The following MTA1 variants were observed in gnomAD, a reference collection of about 807,000 sequenced individuals.
MTA1 encodes the protein metastasis-associated protein MTA1.
Under a neutral mutation model 97.0 loss-of-function variants are expected in MTA1, and 15 were observed. The ratio of observed to expected loss-of-function variants is 0.15; its 90% CI spans 0.10 to 0.24. The LOEUF (loss-of-function observed/expected upper bound fraction) is 0.24, where lower values mean the gene tolerates loss of function less well. Among genes scored for constraint, MTA1 ranks in the 10% least tolerant of loss-of-function variants. The probability of loss-of-function intolerance (pLI) is 1.00; values close to 1 mark genes in which losing one functional copy is unlikely to be tolerated. For synonymous variants in MTA1, 435 were observed against 417.5 expected, an observed-to-expected ratio of 1.04 and a Z score of -0.51; for missense variants, 709 against 1,015.1, an observed-to-expected ratio of 0.70 and a Z score of 4.10.
chr14:105,449,122 G>A, intron 3 of MTA1: 1 of 500,588 alleles, frequency 2.0e-6, no homozygotes, highest in Non-Finnish European at 3.5e-6. Context: ...CCACAGCCAG[G>A]CTTGTCTGGG....
In MTA1 at chr14:105,470,423, C is replaced by CT; in HGVS notation, c.*211dup. On this transcript the variant is annotated 3_prime_UTR_variant, in exon 21 of 21. Coordinates refer to ENST00000331320, the MANE Select transcript of MTA1 (RefSeq NM_004689.4). ...AATGCCGAGGAGTTGTCGTTTTTAG[C>CT]TTTGTGTTTACTTTTTGGCTGGAGC... 2 of 500,192 alleles carry CT rather than the reference C, an allele frequency of 4.0e-6. No homozygotes were observed. The highest frequency in any genetic ancestry group is 3.4e-6 in the Non-Finnish European group (1 of 296,136). The allele number at this position is 500,192 out of a possible 1,614,324, so 31.0% of individuals were successfully genotyped here. A position where few individuals can be genotyped will look rare whatever the true frequency, so the allele number is the denominator to read the frequency against.
chr14:105,445,612 G>C, intron 3 of MTA1, 101 bp downstream of exon 3: 2 of 1,200,620 alleles, frequency 1.7e-6, no homozygotes, highest in African/African-American at 1.5e-5. Flanking sequence ...TCCTGGCCTC[G>C]TGGGGCCACC....
chr14:105,463,745 G>A lies in MTA1; in HGVS notation c.1076+194G>A. 1.6e-6 allele frequency: 1 copy of A among 629,900 alleles called. No individual in the cohort carries two copies. Among genetic ancestry groups the A allele is most frequent in the Non-Finnish European group, 2.8e-6 (1 of 360,064 alleles). 39.0% of individuals were successfully genotyped at this position (629,900 alleles called of 1,614,324 possible). A position where few individuals can be genotyped will look rare whatever the true frequency, so the allele number is the denominator to read the frequency against. On this transcript the variant is annotated intron_variant, in intron 12 of 20. Coordinates refer to ENST00000331320, the MANE Select transcript of MTA1 (RefSeq NM_004689.4). The surrounding 1 kb of genome is among the most constrained non-coding windows in gnomAD (Gnocchi z 5.9). ...CAGTGGCCATGTCTCTGTCGTCCTG[G>A]CCTCCTGGTCAGTAAGGGGGCATTG...
At chr14:105,457,653 C>T (rs112481092) in intron 7 of MTA1, among the ~76,000 whole-genome samples, 1 of 152,240 alleles carries the variant, frequency 6.6e-6, no homozygotes. Flanking sequence ...GGGCCGGGCA[C>T]GGTGGCTCAC....
intron 2 of MTA1, among the ~76,000 whole-genome samples, chr14:105,444,174 C>T (rs2082635981): frequency 2.0e-5 from 3 of 151,826 alleles, no homozygotes; most frequent in Admixed American, 2.0e-4. Flanking sequence ...GAGATCGAGG[C>T]CATCCTGGCT....
At chr14:105,464,967 G>C (rs2083507803) in intron 15 of MTA1, 104 bp downstream of exon 15, 1 of 1,436,792 alleles carries the variant, frequency 7.0e-7, no homozygotes, top group Non-Finnish European at 9.2e-7. Context: ...TCTGATCTCA[G>C]GGAGCCCCAC....
Position 105,466,438 on chromosome 14 carries a change from G to GC in MTA1, c.1644dup (p.Lys549GlnfsTer3), listed in dbSNP as rs782687995. ...TCATTCCCGGCAGAGACCCACCCCC[G>GC]CCCCCCCAAGCCTGACCCCGTGAAA... is the stretch of plus-strand genomic sequence containing the variant. On this transcript the variant is annotated frameshift_variant, in exon 17 of 21. Transcript: ENST00000331320. LOFTEE classifies it high-confidence loss of function. 3.3e-5 allele frequency: 33 copies of GC among 990,626 alleles called. No individual in the cohort carries two copies. Among genetic ancestry groups the GC allele is most frequent in the Admixed American group, 1.2e-4 (4 of 34,242 alleles). The allele number at this position is 990,626 out of a possible 1,614,324, so 61.4% of individuals were successfully genotyped here.
chr14:105,465,992 C>G (rs2141695179), intron 16 of MTA1: 1 of 217,422 alleles, frequency 4.6e-6, no homozygotes, highest in East Asian at 1.6e-4. Context: ...AGGGCTGGTC[C>G]TCAGCAGCTG....
chr14:105,455,821 C>T (rs1315068946), intron 7 of MTA1, among the ~76,000 whole-genome samples: 3 of 152,214 alleles, frequency 2.0e-5, no homozygotes, highest in Non-Finnish European at 1.5e-5. Context: ...AAGACCCCCA[C>T]ATCTCTCCAG....
chr14:105,461,617 A>G (rs752038667), intron 10 of MTA1, among the ~76,000 whole-genome samples: 52 of 152,236 alleles, frequency 3.4e-4, no homozygotes, highest in Non-Finnish European at 1.0e-4. Context: ...CTAGTATCTG[A>G]TGAAAGCACC....
intron 1 of MTA1, among the ~76,000 whole-genome samples, chr14:105,434,724 C>T (rs2082280653): frequency 1.3e-5 from 2 of 152,134 alleles, no homozygotes; most frequent in Admixed American, 1.3e-4. Flanking sequence ...TGGTCTTGAA[C>T]TCCCAACCTC....
In MTA1 at chr14:105,451,012, G is replaced by A. The variant is rs1435182916; in HGVS notation, c.432+688G>A. On this transcript the variant is annotated intron_variant, in intron 6 of 20. Coordinates refer to ENST00000331320, the MANE Select transcript of MTA1 (RefSeq NM_004689.4). ...AGTTGCGGGGCACACCTGCCAAGGG[G>A]CAGGCGCATCTCCAGGCCTAGGGCT... is the stretch of plus-strand genomic sequence containing the variant. Among the ~76,000 whole-genome samples, 3 of 152,336 alleles carry A rather than the reference G, an allele frequency of 2.0e-5. No individual in the cohort carries two copies. The East Asian group carries it at 5.8e-4, about 29-fold the overall frequency.
At chr14:105,442,133 G>A (rs185620953) in intron 2 of MTA1, among the ~76,000 whole-genome samples, 8 of 152,226 alleles carry the variant, frequency 5.3e-5, no homozygotes, top group Non-Finnish European at 1.2e-4. Context: ...CCCCTTCAAG[G>A]TGTATTTAAA....
intron 8 of MTA1, among the ~76,000 whole-genome samples, 182 bp downstream of exon 8, chr14:105,458,554 A>C (rs1330160801): frequency 1.3e-5 from 2 of 152,162 alleles, no homozygotes; most frequent in Non-Finnish European, 1.5e-5. Context: ...TGCTGGGTCC[A>C]GGCCCTTCAT....
At position 105,470,053 on chromosome 14, in the gene MTA1, C is replaced by G; in HGVS notation, c.1998-12C>G. On this transcript the variant is annotated splice_polypyrimidine_tract_variant and intron_variant, in intron 20 of 20. Coordinates refer to ENST00000331320, the MANE Select transcript of MTA1 (RefSeq NM_004689.4). ...ACAGCGTCCCGGCCCTCACCACCAC[C>G]TCTGCCCACAGGAAGATCCGCAAGC... is the stretch of plus-strand genomic sequence containing the variant. 4 of 1,612,612 alleles carry G rather than the reference C, an allele frequency of 2.5e-6. No individual in the cohort carries two copies. Among genetic ancestry groups the G allele is most frequent in the Non-Finnish European group, 3.4e-6 (4 of 1,179,868 alleles).
At chr14:105,445,710 A>T (rs782139679) in intron 3 of MTA1, 199 bp downstream of exon 3, 2 of 700,924 alleles carry the variant, frequency 2.9e-6, no homozygotes, top group South Asian at 3.0e-5. Context: ...GGCTGGGTGA[A>T]TGAAGTCCTC....
At position 105,463,198 on chromosome 14, in the gene MTA1, G is replaced by T; in HGVS notation, c.957G>T (p.Ser319=). The T allele has an allele frequency of 6.2e-7, 1 of 1,611,390 alleles. No homozygotes were observed. Residue 319 remains serine (S), a synonymous_variant, in exon 11 of 21, where the codon TCG becomes TCT. Coordinates refer to ENST00000331320, the MANE Select transcript of MTA1 (RefSeq NM_004689.4). This position sits in a 1 kb window ranked among gnomAD's most constrained non-coding sequence, Gnocchi z 5.9. ...DIQQDFLPWK[S]LTSIIEYYYM... The stretch of plus-strand genomic sequence containing the variant: ...CTCCCACCCAGCTCCCGTGGAAGTC[G>T]CTGACCAGCATCATTGAGTACTACT...
intron 6 of MTA1, among the ~76,000 whole-genome samples, chr14:105,452,547 G>A (rs2082984258): frequency 6.6e-6 from 1 of 152,238 alleles, no homozygotes; most frequent in African/African-American, 2.4e-5. Context: ...AGGCGTGGTG[G>A]TGCACACTTA....
chr14:105,430,796 GA>G (rs1195273156), intron 1 of MTA1, among the ~76,000 whole-genome samples: 2 of 152,078 alleles, frequency 1.3e-5, no homozygotes, highest in African/African-American at 2.4e-5. Context: ...TAATTGTTGA[GA>G]AAAAAATCAA....
Sources: gnomAD v4.1 joint callset for allele counts (sites outside exome capture counted in the v4.1 genomes callset) on GRCh38, gnomAD v4.1.1 for gene constraint, Gnocchi (gnomAD v3.1) non-coding constraint, MANE v1.5 for transcripts, NCBI Gene and HGNC (gene_info 2026-07-23, HGNC 2026-07-21) for gene names.